GAS2L3: variants seen among roughly 807,000 people sequenced by gnomAD.
GAS2L3 encodes the protein GAS2-like protein 3.
A neutral mutation model predicts 37.0 loss-of-function variants in GAS2L3; 28 were observed. The ratio of observed to expected loss-of-function variants is 0.76; its 90% CI spans 0.56 to 1.04. The LOEUF (loss-of-function observed/expected upper bound fraction) is 1.04. Among genes scored for constraint, GAS2L3 ranks in the 50% least tolerant of loss-of-function variants. The pLI is 0.00. For synonymous variants in GAS2L3, 290 were observed against 296.6 expected (o/e 0.98, Z 0.23); for missense variants, 793 against 817.6 (o/e 0.97, Z 0.37).
intron 6 of GAS2L3, among the ~76,000 whole-genome samples, chr12:100,617,523 C>T (rs528504236): frequency 6.6e-6 from 1 of 152,032 alleles, no homozygotes; most frequent in Non-Finnish European, 1.5e-5. Flanking sequence ...AAATAAAGGT[C>T]CATGGTAATT....
At chr12:100,587,894 TAC>T (rs1370949126) in intron 1 of GAS2L3, among the ~76,000 whole-genome samples, 13 of 151,848 alleles carry the variant, frequency 8.6e-5, no homozygotes, top group African/African-American at 2.9e-4. Context: ...CTACTAAAAA[TAC>T]AAAAAATTAG....
In GAS2L3 at chr12:100,624,191, A is replaced by T. The variant is rs774903359; in HGVS notation, c.1386A>T (p.Pro462=). Residue 462 remains proline, a synonymous_variant, in exon 10 of 10, where the codon CCA becomes CCT. Transcript: ENST00000547754. ...SADLPESTLL[P]NKCSGKTQPK... is the part of the protein sequence containing the mutation. ...ATCTGCCCGAGTCCACACTTTTGCC[A>T]AATAAGTGTTCAGGAAAAACTCAAC... 1 of 1,614,064 alleles carries T rather than the reference A, an allele frequency of 6.2e-7. No homozygotes were observed. Among genetic ancestry groups the T allele is most frequent in the Non-Finnish European group, 8.5e-7 (1 of 1,180,002 alleles).
intron 1 of GAS2L3, among the ~76,000 whole-genome samples, chr12:100,588,932 G>A (rs376630226): frequency 3.5e-4 from 53 of 152,076 alleles, no homozygotes; most frequent in African/African-American, 1.2e-3. Context: ...CATAAAAATC[G>A]CTGTTATTCT....
intron 1 of GAS2L3, chr12:100,579,467 G>A (rs1419283202): frequency 6.3e-6 from 5 of 790,394 alleles, no homozygotes; most frequent in East Asian, 4.9e-5. Flanking sequence ...AACAAATTTG[G>A]TTAGTGGTAT....
chr12:100,583,441 A>C (rs981461131), intron 1 of GAS2L3, among the ~76,000 whole-genome samples: 1 of 152,242 alleles, frequency 6.6e-6, no homozygotes, highest in Non-Finnish European at 1.5e-5. Context: ...CCCTTGGCAG[A>C]GCTGTTGTCC....
intron 5 of GAS2L3, among the ~76,000 whole-genome samples, chr12:100,609,094 G>A (rs188202093): frequency 3.0e-4 from 46 of 152,098 alleles, no homozygotes; most frequent in African/African-American, 1.1e-3. Context: ...TTCCAGAAAT[G>A]CTGACCAAGA....
chr12:100,627,682 A>T lies in GAS2L3; in HGVS notation c.*2792A>T, dbSNP rs527470060. 1 of 152,342 alleles carries T rather than the reference A, an allele frequency of 6.6e-6. No individual in the cohort carries two copies. Among genetic ancestry groups the T allele is most frequent in the South Asian group, 2.1e-4 (1 of 4,828 alleles). The allele number at this position is 152,342 out of a possible 1,614,324, so 9.4% of individuals were successfully genotyped here. ...GTGTTTCTATTCATTTTCACAATTT[A>T]AAAACAGCTCTTAACATTGCTGAAG... On this transcript the variant is annotated 3_prime_UTR_variant, in exon 10 of 10. Coordinates refer to ENST00000547754, the MANE Select transcript of GAS2L3 (RefSeq NM_174942.3).
intron 1 of GAS2L3, among the ~76,000 whole-genome samples, chr12:100,578,389 G>A (rs936622614): frequency 1.3e-5 from 2 of 152,184 alleles, no homozygotes; most frequent in Non-Finnish European, 2.9e-5. Context: ...AATGATAGAT[G>A]TACAAAGGCA....
intron 1 of GAS2L3, chr12:100,579,040 C>A: frequency 1.3e-6 from 1 of 765,256 alleles, no homozygotes; most frequent in South Asian, 1.4e-5. Context: ...TCATGTATAA[C>A]CAGTCTATGG....
intron 9 of GAS2L3, among the ~76,000 whole-genome samples, chr12:100,622,749 T>TTAAAAAAAAAAAA (rs1956271907): frequency 3.7e-5 from 1 of 26,840 alleles, no homozygotes; most frequent in African/African-American, 1.4e-4. Context: ...GTATCCATAG[T>TTAAAAAAAAAAAA]AAAAAAAAAA....
chr12:100,623,209 T>G (rs868496930), intron 9 of GAS2L3, among the ~76,000 whole-genome samples: 1 of 152,144 alleles, frequency 6.6e-6, no homozygotes, highest in Non-Finnish European at 1.5e-5. Flanking sequence ...AGAGTTAAAA[T>G]TTGTGGATAA....
At chr12:100,618,851 A>G (rs1011493844) in intron 8 of GAS2L3, among the ~76,000 whole-genome samples, 4 of 152,158 alleles carry the variant, frequency 2.6e-5, no homozygotes, top group Admixed American at 1.3e-4. Context: ...GAAGAGAACT[A>G]TAGGCCACAA....
At chr12:100,619,197 G>T (rs952040695) in intron 8 of GAS2L3, among the ~76,000 whole-genome samples, 11 of 145,742 alleles carry the variant, frequency 7.5e-5, no homozygotes, top group African/African-American at 1.7e-4. Flanking sequence ...AGATTGATGG[G>T]TTTTTTTTTT....
At chr12:100,614,332 G>A (rs1956161519) in intron 6 of GAS2L3, among the ~76,000 whole-genome samples, 1 of 151,914 alleles carries the variant, frequency 6.6e-6, no homozygotes, top group Admixed American at 6.6e-5. Flanking sequence ...GCATGGTGGT[G>A]CACGCCTGTA....
rs1413207781 is a variant in GAS2L3, at chr12:100,619,626, A to G, written c.648+1039A>G. On this transcript the variant is annotated intron_variant, in intron 8 of 9. Transcript: ENST00000547754. ...AATATCTACCTACATTATGCTATTC[A>G]TGTGTGTGTGTGTATATATATATAA... Among the ~76,000 whole-genome samples, 6 of 151,828 alleles carry G rather than the reference A, an allele frequency of 4.0e-5. No homozygotes were observed. The East Asian group carries it at 5.8e-4, about 15-fold the overall frequency.
chr12:100,622,386 A>T lies in GAS2L3; in HGVS notation c.756+4A>T. The T allele has an allele frequency of 1.8e-5, 24 of 1,332,760 alleles. No individual in the cohort carries two copies. Among genetic ancestry groups the T allele is most frequent in the Non-Finnish European group, 2.5e-5 (23 of 932,102 alleles). The allele number at this position is 1,332,760 out of a possible 1,614,324, so 82.6% of individuals were successfully genotyped here. A position where few individuals can be genotyped will look rare whatever the true frequency, so the allele number is the denominator to read the frequency against. On this transcript the variant is annotated splice_donor_region_variant and intron_variant, in intron 9 of 9. Transcript: ENST00000547754. ...GGATAAAATACTCTTTATAAGAGTAAGTCCATTATTTACACTTTATTTACA... is the reference window on the plus strand; with the variant it reads ...GGATAAAATACTCTTTATAAGAGTATGTCCATTATTTACACTTTATTTACA...
At position 100,622,264 on chromosome 12, in the gene GAS2L3, C is replaced by T. The variant is rs10860612; in HGVS notation, c.649-11C>T. Reference sequence around the variant, plus strand: ...TGACAAGCACTAAATTTTATTTGTTCGTCATCTTAGGTTAAACATATTGCT... The same window carrying T: ...TGACAAGCACTAAATTTTATTTGTTTGTCATCTTAGGTTAAACATATTGCT... On this transcript the variant is annotated splice_polypyrimidine_tract_variant and intron_variant, in intron 8 of 9. Transcript: ENST00000547754. The T allele has an allele frequency of 0.056, 79,512 of 1,431,120 alleles. 4,036 individuals are homozygous for T. The highest frequency in any genetic ancestry group is 0.2 in the East Asian group (8,856 of 43,552). 88.7% of individuals were successfully genotyped at this position (1,431,120 alleles called of 1,614,324 possible).
intron 1 of GAS2L3, chr12:100,579,174 C>A: frequency 1.5e-6 from 1 of 661,544 alleles, no homozygotes; most frequent in South Asian, 1.7e-5. Flanking sequence ...CATGCCAAGA[C>A]AATGGGGCTT....
chr12:100,595,153 CT>C (rs1413828722), intron 3 of GAS2L3, among the ~76,000 whole-genome samples: 1 of 151,874 alleles, frequency 6.6e-6, no homozygotes, highest in African/African-American at 2.4e-5. Context: ...AGGGTTATCT[CT>C]TCTCAGCCTT....
Sources: gnomAD v4.1 joint callset for allele counts (sites outside exome capture counted in the v4.1 genomes callset) on GRCh38, gnomAD v4.1.1 for gene constraint, MANE v1.5 for transcripts, NCBI Gene and HGNC (gene_info 2026-07-23, HGNC 2026-07-21) for gene names.